The following MSH4 variants were observed in gnomAD, a reference collection of about 807,000 sequenced individuals.
MSH4 encodes mutS homolog 4.
A neutral mutation model predicts 113.7 loss-of-function variants in MSH4; 106 were observed. The observed-to-expected ratio is 0.93, with a 90% CI of 0.80 to 1.10. The LOEUF (loss-of-function observed/expected upper bound fraction) is 1.10. Among genes scored for constraint, MSH4 ranks in the 50% least tolerant of loss-of-function variants. The pLI, the probability that MSH4 is intolerant of heterozygous loss-of-function variation, is 0.00. For missense variants in MSH4, 1,061 were observed against 1,093.7 expected (o/e 0.97, Z 0.42); for synonymous variants, 368 against 380.2 (o/e 0.97, Z 0.37).
intron 15 of MSH4, among the ~76,000 whole-genome samples, chr1:75,886,924 G>T (rs1366622909): frequency 2.0e-5 from 3 of 149,520 alleles, no homozygotes; most frequent in Non-Finnish European, 4.4e-5. Flanking sequence ...TGAAATCTAA[G>T]TTCTGCTCTC....
chr1:75,841,872 C>T (rs1372611395), intron 7 of MSH4, among the ~76,000 whole-genome samples: 2 of 152,040 alleles, frequency 1.3e-5, no homozygotes, highest in African/African-American at 2.4e-5. Context: ...AATATAACCG[C>T]AATATATTCA....
rs1188229780 is a variant in MSH4, at chr1:75,805,865, A to C, written c.428-1116A>C. ...ATTTAGTAATCATCATCATCATCATAAGATTATTATTAAATTAGCCAATAA... is the reference window on the plus strand; with the variant it reads ...ATTTAGTAATCATCATCATCATCATCAGATTATTATTAAATTAGCCAATAA... On this transcript the variant is annotated intron_variant, in intron 2 of 19. Coordinates refer to ENST00000263187, the MANE Select transcript of MSH4 (RefSeq NM_002440.4). Among the ~76,000 whole-genome samples, 7 of 152,018 alleles carry C rather than the reference A, an allele frequency of 4.6e-5. 1 individual carries two copies. Among genetic ancestry groups the C allele is most frequent in the African/African-American group, 1.2e-4 (5 of 41,394 alleles).
chr1:75,905,649 G>A (rs1223525804), intron 19 of MSH4, among the ~76,000 whole-genome samples: 1 of 152,066 alleles, frequency 6.6e-6, no homozygotes, highest in East Asian at 1.9e-4. Context: ...ATGGAATGTT[G>A]AAGACCCCTA....
At chr1:75,851,219 C>CTT (rs56393633) in intron 8 of MSH4, among the ~76,000 whole-genome samples, 145,092 of 150,676 alleles carry the variant, frequency 0.96, 70,095 homozygotes, top group South Asian at 1. Context: ...AATCTGCCAT[C>CTT]GTTTTTTTTT....
Position 75,808,043 on chromosome 1 carries a change from A to C in MSH4, c.588+902A>C, listed in dbSNP as rs1174457456. 2.6e-5 allele frequency among the ~76,000 whole-genome samples: 4 copies of C among 152,168 alleles called. No individual in the cohort carries two copies. In the South Asian group the frequency reaches 8.3e-4, roughly 32 times the overall value. On this transcript the variant is annotated intron_variant, in intron 3 of 19. Transcript: ENST00000263187. ...TGTGCATATACATTAAAATGTTGAA[A>C]TTTTTTTGATAAATGAAGACATGTC...
chr1:75,857,915 A>G (rs1280777854), intron 8 of MSH4, among the ~76,000 whole-genome samples: 1 of 152,000 alleles, frequency 6.6e-6, no homozygotes, highest in Non-Finnish European at 1.5e-5. Context: ...ATATTTTTCC[A>G]TTTGTTTGTG....
chr1:75,808,699 AT>A (rs1650121073), intron 3 of MSH4, among the ~76,000 whole-genome samples: 3 of 152,142 alleles, frequency 2.0e-5, no homozygotes, highest in Admixed American at 2.0e-4. Context: ...CCAGAGAGTT[AT>A]TTCTACTGAA....
At chr1:75,840,799 T>G (rs1650942632) in intron 7 of MSH4, among the ~76,000 whole-genome samples, 1 of 152,166 alleles carries the variant, frequency 6.6e-6, no homozygotes, top group South Asian at 2.1e-4. Context: ...TTAAGCTATA[T>G]CTGTCCTCAA....
chr1:75,832,898 CA>C (rs1181418998), intron 7 of MSH4, among the ~76,000 whole-genome samples: 2 of 152,154 alleles, frequency 1.3e-5, no homozygotes, highest in African/African-American at 4.8e-5. Context: ...CCTCTCTCAC[CA>C]CTCCTATTCA....
intron 19 of MSH4, among the ~76,000 whole-genome samples, chr1:75,904,179 A>G (rs891044249): frequency 3.1e-4 from 47 of 152,088 alleles, no homozygotes; most frequent in Non-Finnish European, 4.4e-5. Flanking sequence ...ATTGATTTGC[A>G]TATGTTTTAT....
At chr1:75,877,742 T>C (rs1315860214) in intron 10 of MSH4, among the ~76,000 whole-genome samples, 1 of 152,238 alleles carries the variant, frequency 6.6e-6, no homozygotes, top group South Asian at 2.1e-4. Context: ...GGATCATATG[T>C]TATTCTTCTC....
At chr1:75,801,470 A>G (rs1391322158) in intron 1 of MSH4, among the ~76,000 whole-genome samples, 1 of 150,982 alleles carries the variant, frequency 6.6e-6, no homozygotes, top group Non-Finnish European at 1.5e-5. Flanking sequence ...TGGGAGGCTG[A>G]GGCAGGAGGA....
intron 8 of MSH4, among the ~76,000 whole-genome samples, chr1:75,853,354 C>A (rs1651236434): frequency 6.6e-6 from 1 of 152,136 alleles, no homozygotes; most frequent in Non-Finnish European, 1.5e-5. Flanking sequence ...CGTGAACCAC[C>A]ACACCTGGCC....
At chr1:75,904,783 G>A (rs1652586355) in intron 19 of MSH4, among the ~76,000 whole-genome samples, 1 of 151,896 alleles carries the variant, frequency 6.6e-6, no homozygotes, top group South Asian at 2.1e-4. Context: ...ATTCATTATA[G>A]GTCTATTCTT....
chr1:75,873,748 T>TATATATA (rs1651760026), intron 9 of MSH4, among the ~76,000 whole-genome samples: 26 of 150,434 alleles, frequency 1.7e-4, no homozygotes, highest in Non-Finnish European at 3.3e-4. Context: ...GATCTTGTTT[T>TATATATA]TATATATATA....
At chr1:75,841,529 A>G (rs1424044955) in intron 7 of MSH4, among the ~76,000 whole-genome samples, 1 of 152,146 alleles carries the variant, frequency 6.6e-6, no homozygotes, top group Non-Finnish European at 1.5e-5. Context: ...AGCTTGCTGT[A>G]TTTAAGGATT....
At chr1:75,902,394 C>A (rs1441658413) in intron 19 of MSH4, among the ~76,000 whole-genome samples, 3 of 151,730 alleles carry the variant, frequency 2.0e-5, no homozygotes, top group Admixed American at 6.6e-5. Context: ...ACAGTTATTT[C>A]CATCTTTATG....
At chr1:75,845,545 C>A (rs922389090) in intron 7 of MSH4, among the ~76,000 whole-genome samples, 9 of 152,222 alleles carry the variant, frequency 5.9e-5, no homozygotes, top group African/African-American at 2.2e-4. Flanking sequence ...TCTTCTTTGA[C>A]TCCATATCCC....
At chr1:75,844,036 C>T (rs940873236) in intron 7 of MSH4, among the ~76,000 whole-genome samples, 1 of 152,154 alleles carries the variant, frequency 6.6e-6, no homozygotes, top group South Asian at 2.1e-4. Context: ...GTCTCGAACT[C>T]CTGACCTCAG....
Sources: gnomAD v4.1 joint callset for allele counts (sites outside exome capture counted in the v4.1 genomes callset) on GRCh38, gnomAD v4.1.1 for gene constraint, MANE v1.5 for transcripts, NCBI Gene and HGNC (gene_info 2026-07-23, HGNC 2026-07-21) for gene names.